PHKB: variants seen among roughly 807,000 people sequenced by gnomAD.
PHKB encodes phosphorylase kinase regulatory subunit beta.
Under a neutral mutation model 152.1 loss-of-function variants are expected in PHKB, and 122 were observed. That is an observed-to-expected ratio of 0.80 (90% CI 0.69 to 0.93). The LOEUF (loss-of-function observed/expected upper bound fraction) is 0.93. Ranked by LOEUF, PHKB falls within the 40% of genes least tolerant of loss-of-function variation. The pLI, the probability that PHKB is intolerant of heterozygous loss-of-function variation, is 0.00. For synonymous variants in PHKB, 436 were observed against 464.9 expected, an observed-to-expected ratio of 0.94 and a Z score of 0.80; for missense variants, 1,304 against 1,328.4, an observed-to-expected ratio of 0.98 and a Z score of 0.29.
intron 1 of PHKB, among the ~76,000 whole-genome samples, chr16:47,476,160 A>AT (rs1969864916): frequency 6.6e-6 from 1 of 152,098 alleles, no homozygotes; most frequent in African/African-American, 2.4e-5. Context: ...GTGAGCCTTG[A>AT]TTTTTAAAGT....
At chr16:47,631,078 A>G (rs936440013) in intron 14 of PHKB, among the ~76,000 whole-genome samples, 2 of 151,998 alleles carry the variant, frequency 1.3e-5, no homozygotes, top group African/African-American at 2.4e-5. Context: ...ATATCCTGAG[A>G]CTTGCCTGCC....
In PHKB at chr16:47,689,145, T is replaced by C; in HGVS notation, c.2735T>C (p.Leu912Pro). ...LSPSEVKQLL[L>P]DILQPQQNGR... The stretch of plus-strand genomic sequence containing the variant: ...CCTAGTGAAGTTAAACAGCTTCTGC[T>C]GGATATTCTGCAGCCTCAACAGAAT... Residue 912 changes from leucine to proline, a missense_variant, in exon 27 of 31, where the codon CTG becomes CCG. Transcript: ENST00000323584. 1 of 1,614,080 alleles carries C rather than the reference T, an allele frequency of 6.2e-7. No individual in the cohort carries two copies. Among genetic ancestry groups the C allele is most frequent in the Non-Finnish European group, 8.5e-7 (1 of 1,179,948 alleles).
In PHKB at chr16:47,611,000, A is replaced by T. The variant is rs1439718034; in HGVS notation, c.1458+80A>T. 9.1e-6 allele frequency: 8 copies of T among 876,816 alleles called. No homozygotes were observed. The Middle Eastern group carries it at 6.4e-4, about 71-fold the overall frequency. 54.3% of individuals were successfully genotyped at this position (876,816 alleles called of 1,614,324 possible). On this transcript the variant is annotated intron_variant, in intron 14 of 30. Coordinates refer to ENST00000323584, the MANE Select transcript of PHKB (RefSeq NM_000293.3). Reference sequence around the variant, plus strand: ...ATTGAAGAGGAAATTTTTGTTCTGAATAGGTTTTTGTTGTTCCTTCTGACG... The same window carrying T: ...ATTGAAGAGGAAATTTTTGTTCTGATTAGGTTTTTGTTGTTCCTTCTGACG...
intron 14 of PHKB, among the ~76,000 whole-genome samples, chr16:47,625,135 G>A (rs2151717111): frequency 6.6e-6 from 1 of 152,132 alleles, no homozygotes; most frequent in African/African-American, 2.4e-5. Context: ...TATAGTCCAG[G>A]TCACCATTAT....
At chr16:47,620,427 G>A (rs1323098386) in intron 14 of PHKB, among the ~76,000 whole-genome samples, 1 of 152,178 alleles carries the variant, frequency 6.6e-6, no homozygotes, top group African/African-American at 2.4e-5. Flanking sequence ...ATTAATTGAG[G>A]TGCCCAGTAG....
At chr16:47,602,503 A>ATCTTTTTC (rs1051556836) in intron 13 of PHKB, among the ~76,000 whole-genome samples, 6 of 148,478 alleles carry the variant, frequency 4.0e-5, no homozygotes, top group African/African-American at 9.9e-5. Context: ...TGACATTATC[A>ATCTTTTTC]TCTTTTTCTT....
At chr16:47,653,154 A>G (rs772818973) in intron 20 of PHKB, among the ~76,000 whole-genome samples, 2 of 152,158 alleles carry the variant, frequency 1.3e-5, no homozygotes, top group Non-Finnish European at 2.9e-5. Context: ...CCCAGAAAGT[A>G]CATCTCTAAC....
chr16:47,587,798 C>T (rs1403194607), intron 9 of PHKB, 35 bp downstream of exon 9: 4 of 1,395,072 alleles, frequency 2.9e-6, no homozygotes, highest in Non-Finnish European at 4.1e-6. Context: ...TTAACATGAA[C>T]TATTGTTTAT....
intron 6 of PHKB, among the ~76,000 whole-genome samples, chr16:47,546,514 T>C (rs1193730880): frequency 6.6e-6 from 1 of 152,142 alleles, no homozygotes; most frequent in Non-Finnish European, 1.5e-5. Flanking sequence ...TATGAGGTGT[T>C]AGTCAGCCCC....
At chr16:47,619,678 C>T (rs921434641) in intron 14 of PHKB, among the ~76,000 whole-genome samples, 1 of 152,168 alleles carries the variant, frequency 6.6e-6, no homozygotes, top group Non-Finnish European at 1.5e-5. Context: ...TGATTATCTA[C>T]GAATGATACC....
chr16:47,496,684 A>T (rs1323657067), intron 1 of PHKB, among the ~76,000 whole-genome samples: 1 of 152,254 alleles, frequency 6.6e-6, no homozygotes, highest in Non-Finnish European at 1.5e-5. Flanking sequence ...TTAGCAGTTG[A>T]GAAAGTGCAC....
At chr16:47,504,564 A>G (rs921161577) in intron 4 of PHKB, among the ~76,000 whole-genome samples, 1 of 152,216 alleles carries the variant, frequency 6.6e-6, no homozygotes, top group Admixed American at 6.5e-5. Flanking sequence ...TCTCAGGCCT[A>G]CTATATTAAC....
chr16:47,522,001 G>T (rs1335598717), intron 6 of PHKB, among the ~76,000 whole-genome samples: 1 of 152,032 alleles, frequency 6.6e-6, no homozygotes, highest in Admixed American at 6.6e-5. Context: ...AGTCATAATG[G>T]ATATTGGTAT....
Position 47,650,822 on chromosome 16 carries a change from A to G in PHKB, c.1881-9A>G, listed in dbSNP as rs778163944. 8.1e-6 allele frequency: 13 copies of G among 1,600,206 alleles called. No homozygotes were observed. Among genetic ancestry groups the G allele is most frequent in the South Asian group, 7.7e-5 (7 of 90,740 alleles). Reference sequence around the variant, plus strand: ...TAATCTGTACATTTTGTTTATTTATATTTTTTAGAGGTAGCCGGTTCAACC... The same window carrying G: ...TAATCTGTACATTTTGTTTATTTATGTTTTTTAGAGGTAGCCGGTTCAACC... On this transcript the variant is annotated splice_polypyrimidine_tract_variant and intron_variant, in intron 19 of 30. Coordinates refer to ENST00000323584, the MANE Select transcript of PHKB (RefSeq NM_000293.3).
At chr16:47,577,811 G>A (rs968081611) in intron 7 of PHKB, among the ~76,000 whole-genome samples, 5 of 151,972 alleles carry the variant, frequency 3.3e-5, no homozygotes, top group African/African-American at 9.7e-5. Context: ...CAGAAGTTAC[G>A]ATGTGTCTTA....
intron 6 of PHKB, among the ~76,000 whole-genome samples, chr16:47,540,299 ACT>A (rs1971031180): frequency 4.5e-5 from 6 of 134,368 alleles, no homozygotes; most frequent in Admixed American, 4.4e-4. Context: ...CTGCTCTCGA[ACT>A]CTGTTTTCTG....
intron 7 of PHKB, among the ~76,000 whole-genome samples, chr16:47,556,403 G>T (rs1361781170): frequency 6.6e-6 from 1 of 152,132 alleles, no homozygotes; most frequent in Non-Finnish European, 1.5e-5. Context: ...TTGGCTGTGG[G>T]TTTGTCATAG....
chr16:47,623,328 A>G (rs1972649644), intron 14 of PHKB, among the ~76,000 whole-genome samples: 1 of 152,092 alleles, frequency 6.6e-6, no homozygotes, highest in Non-Finnish European at 1.5e-5. Flanking sequence ...GGAAAACATT[A>G]TATTTTCAAC....
At chr16:47,646,501 G>A (rs1392842806) in intron 16 of PHKB, among the ~76,000 whole-genome samples, 1 of 125,926 alleles carries the variant, frequency 7.9e-6, no homozygotes, top group Non-Finnish European at 1.6e-5. Flanking sequence ...TGCACAATGT[G>A]CATATGTACC....
Sources: gnomAD v4.1 joint callset for allele counts (sites outside exome capture counted in the v4.1 genomes callset) on GRCh38, gnomAD v4.1.1 for gene constraint, MANE v1.5 for transcripts, NCBI Gene and HGNC (gene_info 2026-07-23, HGNC 2026-07-21) for gene names.